TBX20: variants seen among roughly 807,000 people sequenced by gnomAD.
TBX20 encodes T-box transcription factor 20.
TBX20 carries 8 observed loss-of-function variants against 42.9 expected under a neutral mutation model. The ratio of observed to expected loss-of-function variants is 0.19; its 90% confidence interval spans 0.11 to 0.34. The LOEUF is 0.34. Ranked by LOEUF, TBX20 falls within the 10% of genes least tolerant of loss-of-function variation. The pLI is 1.00. For synonymous variants in TBX20, 198 were observed against 222.8 expected (o/e 0.89, Z 0.99); for missense variants, 411 against 566.0 (o/e 0.73, Z 2.78).
chr7:35,243,201 G>C (rs1479566941), intron 4 of TBX20, among the ~76,000 whole-genome samples: 1 of 152,110 alleles, frequency 6.6e-6, no homozygotes, highest in Non-Finnish European at 1.5e-5. Flanking sequence ...GCTCTGGCTG[G>C]TTTCAAACTC....
chr7:35,218,549 A>G (rs1229898373), intron 6 of TBX20, among the ~76,000 whole-genome samples: 1 of 152,190 alleles, frequency 6.6e-6, no homozygotes, highest in East Asian at 1.9e-4. Context: ...ACCAGGGTAC[A>G]CTTTAGTATA....
At chr7:35,231,070 G>A (rs1029457588) in intron 6 of TBX20, among the ~76,000 whole-genome samples, 4 of 152,134 alleles carry the variant, frequency 2.6e-5, no homozygotes, top group African/African-American at 4.8e-5. Flanking sequence ...ATGTGACCTT[G>A]AATTAAATTA....
At chr7:35,221,649 T>C (rs1789686284) in intron 6 of TBX20, among the ~76,000 whole-genome samples, 1 of 152,286 alleles carries the variant, frequency 6.6e-6, no homozygotes, top group Admixed American at 6.5e-5. Context: ...ATAACGGCAA[T>C]GGAGCCTCTC....
intron 6 of TBX20, 144 bp from the exon 7 acceptor site, chr7:35,204,726 A>G: frequency 1.4e-6 from 1 of 690,038 alleles, no homozygotes; most frequent in South Asian, 1.6e-5. Flanking sequence ...AATTCAAAAC[A>G]TGTACATTTA....
chr7:35,253,912 G>A lies in TBX20; in HGVS notation c.-292C>T, dbSNP rs1450408374. The A allele has an allele frequency of 4.9e-6, 2 of 411,874 alleles. No individual in the cohort carries two copies. Among genetic ancestry groups the A allele is most frequent in the East Asian group, 4.7e-5 (1 of 21,484 alleles). 25.5% of individuals were successfully genotyped at this position (411,874 alleles called of 1,614,324 possible). ...GGGGCGCTCGGCAGGACGACAGTCT[G>A]CACAGCCCGAAGGCGGAAACGAGCA... On this transcript the variant is annotated 5_prime_UTR_variant, in exon 1 of 8. Coordinates refer to ENST00000408931, the MANE Select transcript of TBX20 (RefSeq NM_001077653.2).
At chr7:35,253,138 A>T (rs1295123042) in intron 1 of TBX20, among the ~76,000 whole-genome samples, 1 of 152,246 alleles carries the variant, frequency 6.6e-6, no homozygotes, top group African/African-American at 2.4e-5. Flanking sequence ...CAAACGCACA[A>T]GCAGGTGTTA....
chr7:35,205,947 A>G (rs139075693), intron 6 of TBX20, among the ~76,000 whole-genome samples: 56 of 152,330 alleles, frequency 3.7e-4, no homozygotes, highest in African/African-American at 1.3e-3. Flanking sequence ...ATAATTTTCA[A>G]GATATAGTAA....
At chr7:35,229,160 T>C (rs1306510022) in intron 6 of TBX20, among the ~76,000 whole-genome samples, 4 of 152,212 alleles carry the variant, frequency 2.6e-5, no homozygotes. Context: ...CACATATTTA[T>C]AACATCATAT....
At chr7:35,210,013 C>T (rs1789465590) in intron 6 of TBX20, among the ~76,000 whole-genome samples, 1 of 152,142 alleles carries the variant, frequency 6.6e-6, no homozygotes, top group African/African-American at 2.4e-5. Context: ...GTCAGAGAGC[C>T]CACTTTGTAT....
chr7:35,222,264 A>G (rs995056491), intron 6 of TBX20, among the ~76,000 whole-genome samples: 2 of 152,190 alleles, frequency 1.3e-5, no homozygotes, highest in African/African-American at 4.8e-5. Context: ...TAAAAAATAC[A>G]TATATAGCCC....
At chr7:35,241,073 T>A in intron 4 of TBX20, 36 bp from the exon 5 acceptor site, 1 of 1,600,514 alleles carries the variant, frequency 6.2e-7, no homozygotes, top group Non-Finnish European at 8.6e-7. Flanking sequence ...GAATTTTACA[T>A]ACTTATACTG....
chr7:35,239,307 T>G (rs1443390941), intron 5 of TBX20, among the ~76,000 whole-genome samples: 1 of 152,182 alleles, frequency 6.6e-6, no homozygotes, highest in Non-Finnish European at 1.5e-5. Context: ...CCCGGGACTC[T>G]GAGCCATCTA....
At chr7:35,227,392 C>CAG (rs1472954253) in intron 6 of TBX20, among the ~76,000 whole-genome samples, 1 of 152,088 alleles carries the variant, frequency 6.6e-6, no homozygotes, top group African/African-American at 2.4e-5. Context: ...GAGCAAATTC[C>CAG]AGACCTTAAG....
intron 6 of TBX20, among the ~76,000 whole-genome samples, chr7:35,228,027 C>T (rs548389798): frequency 2.2e-4 from 33 of 151,902 alleles, no homozygotes; most frequent in African/African-American, 7.5e-4. Context: ...TTTATTAAAC[C>T]ATTCTCCTAT....
intron 6 of TBX20, among the ~76,000 whole-genome samples, chr7:35,220,032 A>T (rs942626680): frequency 1.3e-5 from 2 of 152,220 alleles, no homozygotes; most frequent in African/African-American, 4.8e-5. Context: ...ACCTACTAAT[A>T]TGAACAAGAA....
At chr7:35,229,878 G>A (rs1239308981) in intron 6 of TBX20, among the ~76,000 whole-genome samples, 1 of 152,114 alleles carries the variant, frequency 6.6e-6, no homozygotes, top group African/African-American at 2.4e-5. Context: ...TCTGAGGTGA[G>A]CAGGGTTATT....
rs1427961812 is a variant in TBX20 at position 35,245,028 on chromosome 7, G to A, written c.575C>T (p.Thr192Ile). ...CATCTGTTTGAGTAGTTGCTCACCG[G>A]TAAAAGGAGAATCTGGATGCACATA... Reference protein sequence around the residue: ...RLYVHPDSPFTGEQLLKQMVS... With the variant: ...RLYVHPDSPFIGEQLLKQMVS... Residue 192 changes from threonine to isoleucine, a missense_variant, in exon 4 of 8, where the codon ACC (threonine) becomes ATC (isoleucine). Around this residue, in one of 5 missense-constraint regions of TBX20, gnomAD observed 121 missense variants for 165.9 expected, o/e 0.73. Transcript: ENST00000408931. 4 of 1,613,510 alleles carry A rather than the reference G, an allele frequency of 2.5e-6. No homozygotes were observed. The highest frequency in any genetic ancestry group is 3.4e-6 in the Non-Finnish European group (4 of 1,179,666).
intron 4 of TBX20, among the ~76,000 whole-genome samples, chr7:35,241,904 G>T (rs879328289): frequency 2.0e-5 from 3 of 152,062 alleles, no homozygotes; most frequent in Non-Finnish European, 2.9e-5. Context: ...GATATAAAAG[G>T]TTTCCCACAT....
chr7:35,248,850 G>A lies in TBX20; in HGVS notation c.381-9C>T. 1.3e-6 allele frequency: 2 copies of A among 1,507,036 alleles called. No individual in the cohort carries two copies. Among genetic ancestry groups the A allele is most frequent in the Non-Finnish European group, 1.8e-6 (2 of 1,094,054 alleles). The allele number at this position is 1,507,036 out of a possible 1,614,324, so 93.4% of individuals were successfully genotyped here. A position where few individuals can be genotyped will look rare whatever the true frequency, so the allele number is the denominator to read the frequency against. Reference sequence around the variant, plus strand: ...TGGTTGGAAACATCCTCCTGACAGAGAGAGAGAGAGAGAATGGGCCCTGTT... The same window carrying A: ...TGGTTGGAAACATCCTCCTGACAGAAAGAGAGAGAGAGAATGGGCCCTGTT... On this transcript the variant is annotated splice_polypyrimidine_tract_variant and intron_variant, in intron 2 of 7. Coordinates refer to ENST00000408931, the MANE Select transcript of TBX20 (RefSeq NM_001077653.2).
Sources: allele counts gnomAD v4.1 joint callset (sites outside exome capture counted in the v4.1 genomes callset), GRCh38; gene constraint gnomAD v4.1.1; regional missense constraint gnomAD v4.1.1; transcripts MANE v1.5; gene names NCBI Gene and HGNC (gene_info 2026-07-23, HGNC 2026-07-21).